The following CNBD1 variants were observed in gnomAD, a reference collection of about 807,000 sequenced individuals.
CNBD1 encodes cyclic nucleotide binding domain containing 1, also known as cyclic nucleotide-binding domain-containing protein 1.
CNBD1 carries 71 observed loss-of-function variants against 54.4 expected under a neutral mutation model. The observed-to-expected ratio is 1.30, with a 90% CI of 1.08 to 1.59. The LOEUF is 1.59. Ranked by LOEUF, CNBD1 falls within the 40% of genes most tolerant of loss-of-function variation. The probability of loss-of-function intolerance (pLI) is 0.00; values close to 1 mark genes in which losing one functional copy is unlikely to be tolerated. For synonymous variants in CNBD1, 182 were observed against 170.7 expected, an observed-to-expected ratio of 1.07 and a Z score of -0.51; for missense variants, 659 against 518.0, an observed-to-expected ratio of 1.27 and a Z score of -2.64.
At chr8:87,362,922 A>G (rs1390513678) in intron 10 of CNBD1, among the ~76,000 whole-genome samples, 3 of 151,894 alleles carry the variant, frequency 2.0e-5, no homozygotes, top group East Asian at 3.9e-4. Flanking sequence ...TGTTACATGT[A>G]TAGACACATG....
At chr8:87,418,402 A>T (rs568510027) in intron 2 of CNBD1, among the ~76,000 whole-genome samples, 6 of 151,940 alleles carry the variant, frequency 3.9e-5, no homozygotes, top group Non-Finnish European at 5.9e-5. Context: ...CAAGTCGAAA[A>T]ATTCTTAGAA....
chr8:87,319,162 T>A lies in CNBD1; in HGVS notation c.1042+32491T>A, dbSNP rs189669441. 8.0e-4 allele frequency among the ~76,000 whole-genome samples: 122 copies of A among 152,234 alleles called. 1 individual carries two copies. The highest frequency in any genetic ancestry group is 2.8e-3 in the African/African-American group (115 of 41,562). On this transcript the variant is annotated intron_variant, in intron 8 of 10. Transcript: ENST00000518476. Reference sequence around the variant, plus strand: ...ACATGAAGGATATTGATTGATAATGTAGCACTTGATTTCACATTTAGAATA... The same window carrying A: ...ACATGAAGGATATTGATTGATAATGAAGCACTTGATTTCACATTTAGAATA...
At chr8:86,957,157 C>G (rs1461527646) in intron 4 of CNBD1, among the ~76,000 whole-genome samples, 2 of 152,180 alleles carry the variant, frequency 1.3e-5, no homozygotes, top group African/African-American at 4.8e-5. Flanking sequence ...TTGAACTAGC[C>G]TTGCATCCCA....
rs1043581697 is a variant in CNBD1, at chr8:87,324,849, T to C, written c.1043-26836T>C. ...TTATTTCTTGCCTTCTGCTAGCTTT[T>C]GAATGTGTTTGCTCTTGCTTTTCTA... On this transcript the variant is annotated intron_variant, in intron 8 of 10. Coordinates refer to ENST00000518476, the MANE Select transcript of CNBD1 (RefSeq NM_173538.3). 9.7e-5 allele frequency among the ~76,000 whole-genome samples: 11 copies of C among 112,986 alleles called. 2 individuals are homozygous for C. Among genetic ancestry groups the C allele is most frequent in the South Asian group, 4.8e-4 (2 of 4,150 alleles). The allele number at this position is 112,986 out of a possible 152,430, so 74.1% of individuals were successfully genotyped here.
At chr8:87,367,009 G>T (rs773013675) in intron 10 of CNBD1, among the ~76,000 whole-genome samples, 6 of 151,922 alleles carry the variant, frequency 3.9e-5, no homozygotes, top group Non-Finnish European at 7.4e-5. Context: ...TTTCCTCCCT[G>T]GGAATCCAGA....
Position 87,392,790 on chromosome 8 carries a change from A to C in CNBD1, c.214-35756A>C, listed in dbSNP as rs578165051. Among the ~76,000 whole-genome samples, 5 of 152,096 alleles carry C rather than the reference A, an allele frequency of 3.3e-5. No homozygotes were observed. In the South Asian group the frequency reaches 1.0e-3, roughly 32 times the overall value. ...AAAACAATAAATTGTTCACTTCCAA[A>C]TGGGTAAACTGTGTTGTACGTGACT... On this transcript the variant is annotated intron_variant, in intron 2 of 7. Transcript: ENST00000521593.
chr8:87,419,794 T>A (rs989400813), intron 2 of CNBD1, among the ~76,000 whole-genome samples: 3 of 151,744 alleles, frequency 2.0e-5, no homozygotes, highest in African/African-American at 7.2e-5. Flanking sequence ...ATGAAAAATT[T>A]AAGGAAAACA....
intron 1 of CNBD1, among the ~76,000 whole-genome samples, chr8:86,880,743 A>G (rs936542585): frequency 4.6e-5 from 7 of 152,096 alleles, no homozygotes; most frequent in African/African-American, 1.7e-4. Flanking sequence ...CTTCAGGCCA[A>G]TAACCTTTAT....
chr8:87,024,739 G>C (rs75991621), intron 4 of CNBD1, among the ~76,000 whole-genome samples: 1 of 152,236 alleles, frequency 6.6e-6, no homozygotes, highest in African/African-American at 2.4e-5. Flanking sequence ...TTTATTTTCT[G>C]TGTTGTTTTA....
chr8:87,424,152 T>A (rs1808000394), intron 2 of CNBD1, among the ~76,000 whole-genome samples: 1 of 152,008 alleles, frequency 6.6e-6, no homozygotes, highest in Admixed American at 6.5e-5. Context: ...TTGCATCTAT[T>A]TGACTCTTCT....
intron 6 of CNBD1, among the ~76,000 whole-genome samples, chr8:87,273,629 T>A (rs6468737): frequency 0.28 from 42,726 of 151,860 alleles, 6,464 homozygotes; most frequent in African/African-American, 0.39. Flanking sequence ...TAACTTGTTT[T>A]CTCTAAGTTC....
intron 4 of CNBD1, among the ~76,000 whole-genome samples, chr8:87,078,977 C>A (rs936462333): frequency 7.2e-5 from 11 of 152,048 alleles, no homozygotes; most frequent in Non-Finnish European, 1.5e-4. Context: ...AACTGTGTTA[C>A]TCCCAAAAAG....
chr8:87,207,126 G>T (rs1253294989), intron 5 of CNBD1, among the ~76,000 whole-genome samples: 5 of 152,046 alleles, frequency 3.3e-5, no homozygotes, highest in African/African-American at 1.2e-4. Flanking sequence ...TTTTAAAGGG[G>T]ATAAAATAAT....
At chr8:87,244,941 G>A (rs1478200112) in intron 6 of CNBD1, among the ~76,000 whole-genome samples, 3 of 152,156 alleles carry the variant, frequency 2.0e-5, no homozygotes, top group African/African-American at 7.2e-5. Context: ...CTAAACTGAT[G>A]TTTAAAATAT....
chr8:87,226,178 T>C (rs1472659837), intron 5 of CNBD1, among the ~76,000 whole-genome samples: 7 of 142,450 alleles, frequency 4.9e-5, no homozygotes, highest in Non-Finnish European at 7.7e-5. Flanking sequence ...TTGTTGATCC[T>C]TTCAAAAAAC....
chr8:86,919,863 G>T (rs1436343069), intron 3 of CNBD1, among the ~76,000 whole-genome samples: 1 of 152,104 alleles, frequency 6.6e-6, no homozygotes. Context: ...TTATTAAAAT[G>T]CAGATTCCAA....
intron 8 of CNBD1, among the ~76,000 whole-genome samples, chr8:87,341,568 T>A (rs1380725083): frequency 6.6e-6 from 1 of 152,160 alleles, no homozygotes; most frequent in Admixed American, 6.5e-5. Context: ...GCTGTTGTAA[T>A]AGTATTAAGA....
chr8:87,306,907 G>A (rs748774819), intron 8 of CNBD1, among the ~76,000 whole-genome samples: 7 of 151,348 alleles, frequency 4.6e-5, no homozygotes, highest in Admixed American at 4.0e-4. Flanking sequence ...AATAATTTAC[G>A]GAAAATAAAA....
chr8:87,091,020 A>G (rs1476462751), intron 4 of CNBD1, among the ~76,000 whole-genome samples: 1 of 151,830 alleles, frequency 6.6e-6, no homozygotes, highest in East Asian at 2.0e-4. Flanking sequence ...GGCACCTGTA[A>G]TCCCAGCTAC....
Sources: gnomAD v4.1 joint callset for allele counts (sites outside exome capture counted in the v4.1 genomes callset) on GRCh38, gnomAD v4.1.1 for gene constraint, MANE v1.5 for transcripts, NCBI Gene and HGNC (gene_info 2026-07-23, HGNC 2026-07-21) for gene names.